CD1B: variants seen among roughly 807,000 people sequenced by gnomAD.
The protein encoded by CD1B is T-cell surface glycoprotein CD1b.
A neutral mutation model predicts 39.8 loss-of-function variants in CD1B; 43 were observed. That is an observed-to-expected ratio of 1.08 (90% CI 0.85 to 1.39). The LOEUF is 1.39. Ranked by LOEUF, CD1B falls within the 40% of genes most tolerant of loss-of-function variation. The pLI, the probability that CD1B is intolerant of heterozygous loss-of-function variation, is 0.00. For missense variants in CD1B, 495 were observed against 403.8 expected (o/e 1.23, Z -1.94); for synonymous variants, 192 against 152.5 (o/e 1.26, Z -1.91).
At chr1:158,293,120 C>T in the CD1B span, 2 of 1,041,126 alleles carry the variant, frequency 1.9e-6, no homozygotes, top group Non-Finnish European at 2.9e-6. Context: ...TGCAACTCAT[C>T]CAATGCATAT....
chr1:158,300,633 G>T, the CD1B span, among the ~76,000 whole-genome samples: 2 of 152,016 alleles, frequency 1.3e-5, no homozygotes, highest in South Asian at 2.1e-4. Flanking sequence ...TCGTAGGTCT[G>T]TAAGGACTCA....
At chr1:158,291,440 G>A in the CD1B span, 13 of 1,594,394 alleles carry the variant, frequency 8.2e-6, no homozygotes, top group East Asian at 2.5e-4. Context: ...TCTTTAGAAT[G>A]TTCTATTTCA....
At chr1:158,291,392 A>G in the CD1B span, 1 of 1,613,278 alleles carries the variant, frequency 6.2e-7, no homozygotes, top group Non-Finnish European at 8.5e-7. Context: ...AGTCAAGATT[A>G]CTCGAAATGT....
At chr1:158,302,394 G>GA in the CD1B span, among the ~76,000 whole-genome samples, 38 of 150,490 alleles carry the variant, frequency 2.5e-4, no homozygotes, top group Non-Finnish European at 4.6e-4. Context: ...GAAAAATAAG[G>GA]AAAAAAAACC....
chr1:158,305,957 G>A, the CD1B span, among the ~76,000 whole-genome samples: 3 of 152,200 alleles, frequency 2.0e-5, no homozygotes, highest in African/African-American at 7.2e-5. Context: ...GGAACAAGTG[G>A]TACCAGCCAC....
chr1:158,293,362 C>T, the CD1B span: 4 of 1,591,536 alleles, frequency 2.5e-6, no homozygotes, highest in Middle Eastern at 1.7e-4. Flanking sequence ...CCATTTTTCA[C>T]TCTCTTAGCT....
chr1:158,319,515 C>A, the CD1B span, among the ~76,000 whole-genome samples: 1 of 152,358 alleles, frequency 6.6e-6, no homozygotes, highest in East Asian at 1.9e-4. Flanking sequence ...TCAGCTCCAT[C>A]ACTCCTTTAA....
the CD1B span, among the ~76,000 whole-genome samples, chr1:158,314,889 G>A: frequency 1.4e-5 from 2 of 145,010 alleles, no homozygotes; most frequent in South Asian, 2.2e-4. Context: ...TCCCACCTAT[G>A]AGTGAGAATA....
At chr1:158,325,530 G>T (rs527994138), downstream of CD1B, among the ~76,000 whole-genome samples, 2 of 152,092 alleles carry the variant, frequency 1.3e-5, no homozygotes, top group African/African-American at 4.8e-5. Flanking sequence ...AATTTTTGTT[G>T]ATATGTAATC....
the CD1B span, among the ~76,000 whole-genome samples, chr1:158,299,515 A>C: frequency 6.6e-6 from 1 of 152,186 alleles, no homozygotes; most frequent in Non-Finnish European, 1.5e-5. Flanking sequence ...TGAGTAAGGG[A>C]GGATTCCCTC....
the CD1B span, chr1:158,289,979 C>T: frequency 8.2e-7 from 1 of 1,222,034 alleles, no homozygotes; most frequent in Non-Finnish European, 1.2e-6. Flanking sequence ...AGAAGGAAGT[C>T]AGAATATAGG....
the CD1B span, among the ~76,000 whole-genome samples, chr1:158,305,973 A>G: frequency 6.6e-6 from 1 of 152,234 alleles, no homozygotes; most frequent in South Asian, 2.1e-4. Context: ...GCCACTGCAA[A>G]AACATGCCAA....
the CD1B span, among the ~76,000 whole-genome samples, chr1:158,307,623 C>T: frequency 6.6e-6 from 1 of 152,050 alleles, no homozygotes; most frequent in African/African-American, 2.4e-5. Context: ...CTGGCAGAGA[C>T]ATAACAAAAA....
chr1:158,325,839 A>G (rs10797007), downstream of CD1B, among the ~76,000 whole-genome samples: 76,489 of 152,102 alleles, frequency 0.5, 21,782 homozygotes, highest in African/African-American at 0.77. Context: ...ACTTGTACAT[A>G]TGTAAAATGT....
the CD1B span, among the ~76,000 whole-genome samples, chr1:158,304,916 C>G: frequency 2.0e-5 from 3 of 152,046 alleles, no homozygotes; most frequent in Non-Finnish European, 4.4e-5. Flanking sequence ...GTAAGGACAT[C>G]CACACCAAAA....
the CD1B span, among the ~76,000 whole-genome samples, chr1:158,307,471 C>A: frequency 1.3e-5 from 2 of 152,064 alleles, no homozygotes; most frequent in Non-Finnish European, 2.9e-5. Context: ...AAGTCCAGGA[C>A]CCAATGGATT....
chr1:158,311,844 C>T, the CD1B span, among the ~76,000 whole-genome samples: 42 of 152,078 alleles, frequency 2.8e-4, no homozygotes, highest in Admixed American at 4.6e-4. Context: ...TATTCTGTTC[C>T]GCTGATCTAT....
At position 158,328,027 on chromosome 1, in the gene CD1B, A is replaced by AATC. The variant is rs1652424073; in HGVS notation, c.*206_*208dup. 2.1e-6 allele frequency: 1 copy of AATC among 477,422 alleles called. No homozygotes were observed. The highest frequency in any genetic ancestry group is 2.0e-5 in the African/African-American group (1 of 51,168). 29.6% of individuals were successfully genotyped at this position (477,422 alleles called of 1,614,324 possible). ...TTTTAATGTGTGTAAAATCAGGGTG[A>AATC]ATCACACTGTTAGTACAGTCTCATA... On this transcript the variant is annotated 3_prime_UTR_variant, in exon 6 of 6. Coordinates refer to ENST00000368168, the MANE Select transcript of CD1B (RefSeq NM_001764.3).
the CD1B span, among the ~76,000 whole-genome samples, chr1:158,307,604 T>C: frequency 3.9e-4 from 59 of 152,268 alleles, no homozygotes; most frequent in African/African-American, 1.4e-3. Flanking sequence ...ATTATCCTGA[T>C]ACCAAAACCT....
Sources: allele counts gnomAD v4.1 joint callset (sites outside exome capture counted in the v4.1 genomes callset), GRCh38; gene constraint gnomAD v4.1.1; transcripts MANE v1.5; gene names NCBI Gene and HGNC (gene_info 2026-07-23, HGNC 2026-07-21).